The following ATP6V0A2 variants were observed in gnomAD, a reference collection of about 807,000 sequenced individuals.
ATP6V0A2 encodes V-type proton ATPase 116 kDa subunit a 2.
In ATP6V0A2, 58 loss-of-function variants were observed where a neutral mutation model predicts 104.4. The observed-to-expected ratio is 0.56, with a 90% CI of 0.45 to 0.69. The LOEUF is 0.69. Among genes scored for constraint, ATP6V0A2 ranks in the 30% least tolerant of loss-of-function variants. ATP6V0A2 has a pLI of 0.00. For synonymous variants in ATP6V0A2, 376 were observed against 397.9 expected, an observed-to-expected ratio of 0.95 and a Z score of 0.65; for missense variants, 938 against 1,062.9, an observed-to-expected ratio of 0.88 and a Z score of 1.63.
chr12:123,721,078 A>G (rs1217218738), intron 2 of ATP6V0A2, among the ~76,000 whole-genome samples: 1 of 152,204 alleles, frequency 6.6e-6, no homozygotes, highest in African/African-American at 2.4e-5. Context: ...GATAATGACT[A>G]ACAGATATTG....
rs1281428212 is a variant in ATP6V0A2 at position 123,712,710 on chromosome 12, G to T, written c.117+28G>T. 5.7e-6 allele frequency: 9 copies of T among 1,571,460 alleles called. No homozygotes were observed. In the African/African-American group the frequency reaches 9.5e-5, roughly 17 times the overall value. ...GAGTGTCGCCCGGGAGACGCGGGCCGCACCTGCTCTCCTGGCGCCCCCAAT... is the reference window on the plus strand; with the variant it reads ...GAGTGTCGCCCGGGAGACGCGGGCCTCACCTGCTCTCCTGGCGCCCCCAAT... On this transcript the variant is annotated intron_variant, in intron 1 of 19. Transcript: ENST00000330342.
At chr12:123,745,106 C>A in intron 13 of ATP6V0A2, 134 bp downstream of exon 13, 1 of 909,826 alleles carries the variant, frequency 1.1e-6, no homozygotes, top group Non-Finnish European at 1.8e-6. Flanking sequence ...AGCCCCTGTG[C>A]ATCCCAGTCC....
At chr12:123,727,660 C>A in intron 5 of ATP6V0A2, 123 bp from the exon 6 acceptor site, 2 of 1,130,306 alleles carry the variant, frequency 1.8e-6, no homozygotes, top group Non-Finnish European at 2.7e-6. Flanking sequence ...AGATGTTTTG[C>A]AGTTGGAGGG....
intron 3 of ATP6V0A2, chr12:123,723,771 T>G (rs1956422856): frequency 6.6e-6 from 1 of 152,208 alleles, no homozygotes; most frequent in African/African-American, 2.4e-5. Flanking sequence ...TTGTCATGAA[T>G]TTTTATCCTC....
chr12:123,750,025 T>C (rs1956699833), intron 15 of ATP6V0A2: 2 of 152,250 alleles, frequency 1.3e-5, no homozygotes, highest in African/African-American at 4.8e-5. Flanking sequence ...TTCTCTTGTT[T>C]ATGATTTTTA....
At chr12:123,747,959 A>C (rs1057027005) in intron 14 of ATP6V0A2, among the ~76,000 whole-genome samples, 4 of 152,222 alleles carry the variant, frequency 2.6e-5, no homozygotes, top group African/African-American at 9.7e-5. Context: ...CTAGGAGTTC[A>C]GCAGTGAGGA....
chr12:123,758,214 T>C lies in ATP6V0A2; in HGVS notation c.*182T>C, dbSNP rs1019571586. The C allele has an allele frequency of 6.4e-6, 3 of 470,764 alleles. No individual in the cohort carries two copies. The highest frequency in any genetic ancestry group is 2.0e-5 in the African/African-American group (1 of 49,848). The allele number at this position is 470,764 out of a possible 1,614,324, so 29.2% of individuals were successfully genotyped here. On this transcript the variant is annotated 3_prime_UTR_variant, in exon 20 of 20. Transcript: ENST00000330342. Reference sequence around the variant, plus strand: ...TTAAATATTTTGTAAAGTTTACCAATTTGAGATATAAAAATTTCTTTTGGT... The same window carrying C: ...TTAAATATTTTGTAAAGTTTACCAACTTGAGATATAAAAATTTCTTTTGGT...
At chr12:123,717,332 A>G (rs1026810616) in intron 1 of ATP6V0A2, among the ~76,000 whole-genome samples, 1 of 151,416 alleles carries the variant, frequency 6.6e-6, no homozygotes, top group African/African-American at 2.4e-5. Flanking sequence ...AAAAAAAAAA[A>G]AAAAGAGAAA....
rs1956300669 is a variant in ATP6V0A2 at position 123,712,394 on chromosome 12, C to G, written c.-172C>G. The G allele has an allele frequency of 2.7e-6, 1 of 371,284 alleles. No individual in the cohort carries two copies. The highest frequency in any genetic ancestry group is 4.7e-6 in the Non-Finnish European group (1 of 211,934). 23.0% of individuals were successfully genotyped at this position (371,284 alleles called of 1,614,324 possible). A position where few individuals can be genotyped will look rare whatever the true frequency, so the allele number is the denominator to read the frequency against. On this transcript the variant is annotated 5_prime_UTR_variant, in exon 1 of 20. Coordinates refer to ENST00000330342, the MANE Select transcript of ATP6V0A2 (RefSeq NM_012463.4). The stretch of plus-strand genomic sequence containing the variant: ...CTGTGGCGGCAGCTGGAGCGGCGGC[C>G]GCGGTGGCAGAACCGGGGGCGGCCG...
Position 123,754,516 on chromosome 12 carries a change from G to A in ATP6V0A2, c.2272G>A (p.Ala758Thr). The stretch of plus-strand genomic sequence containing the variant: ...CACCGCCTCCTACCTGAGGCTCTGG[G>A]CGCTTAGCCTGGCTCACGCACGTAA... ...SNTASYLRLW[A>T]LSLAHAQLSD... is the part of the protein sequence containing the mutation. The change falls in exon 18 of 20, where the codon GCG (alanine) becomes ACG (threonine). Residue 758 changes from alanine to threonine, a missense_variant. Transcript: ENST00000330342. 6.2e-7 allele frequency: 1 copy of A among 1,614,046 alleles called. No homozygotes were observed. Among genetic ancestry groups the A allele is most frequent in the South Asian group, 1.1e-5 (1 of 91,080 alleles).
rs1478226626 is a variant in ATP6V0A2, at chr12:123,751,185, T to G, written c.2011T>G (p.Leu671Val). Residue 671 changes from leucine to valine, a missense_variant, in exon 16 of 20, where the codon TTG (leucine) becomes GTG (valine). Transcript: ENST00000330342. ...CCTCTTCTTGGGAAAGCCACTGTTT[T>G]TGTTGTGGCTTCACAATGGGCGTAG... is the stretch of plus-strand genomic sequence containing the variant. ...PVLFLGKPLF[L>V]LWLHNGRSCF... 1.2e-6 allele frequency: 2 copies of G among 1,614,200 alleles called. No individual in the cohort carries two copies. Among genetic ancestry groups the G allele is most frequent in the Non-Finnish European group, 1.7e-6 (2 of 1,180,040 alleles).
At chr12:123,752,426 A>G (rs1956725182) in intron 17 of ATP6V0A2, 24 bp downstream of exon 17, 2 of 1,612,636 alleles carry the variant, frequency 1.2e-6, no homozygotes, top group African/African-American at 1.3e-5. Flanking sequence ...ACTGCTATTG[A>G]TAAACTTAGA....
rs912860788 is a variant in ATP6V0A2, at chr12:123,760,443, A to G, written c.*2411A>G. The G allele has an allele frequency of 1.3e-5, 2 of 152,236 alleles. No homozygotes were observed. The highest frequency in any genetic ancestry group is 4.8e-5 in the African/African-American group (2 of 41,460). The allele number at this position is 152,236 out of a possible 1,614,324, so 9.4% of individuals were successfully genotyped here. A position where few individuals can be genotyped will look rare whatever the true frequency, so the allele number is the denominator to read the frequency against. ...GCTCCAGTGTCATGTTACCAGAGTT[A>G]TCGCTCAGTTTTGTTTGTTAAGGCT... is the stretch of plus-strand genomic sequence containing the variant. On this transcript the variant is annotated 3_prime_UTR_variant, in exon 20 of 20. Transcript: ENST00000330342.
chr12:123,758,075 G>A lies in ATP6V0A2; in HGVS notation c.*43G>A, dbSNP rs1429480092. ...ACAAGCTTTCAGATTTATGGAGAAT[G>A]ACCATGTTATAGACTTTCACTTATG... On this transcript the variant is annotated 3_prime_UTR_variant, in exon 20 of 20. Transcript: ENST00000330342. The A allele has an allele frequency of 2.9e-6, 4 of 1,367,768 alleles. No individual in the cohort carries two copies. The Admixed American group carries it at 6.7e-5, about 23-fold the overall frequency. 84.7% of individuals were successfully genotyped at this position (1,367,768 alleles called of 1,614,324 possible).
At chr12:123,727,430 C>G (rs1038973236) in intron 5 of ATP6V0A2, among the ~76,000 whole-genome samples, 5 of 152,044 alleles carry the variant, frequency 3.3e-5, no homozygotes, top group African/African-American at 1.2e-4. Context: ...GGGTGCCTGC[C>G]ACCACGCCTG....
intron 16 of ATP6V0A2, among the ~76,000 whole-genome samples, chr12:123,751,649 G>T (rs1956715496): frequency 6.6e-6 from 1 of 151,960 alleles, no homozygotes; most frequent in Non-Finnish European, 1.5e-5. Context: ...GCAAGACTCT[G>T]TCTCAAAATA....
At chr12:123,717,064 T>C (rs555999721) in intron 1 of ATP6V0A2, among the ~76,000 whole-genome samples, 4 of 152,060 alleles carry the variant, frequency 2.6e-5, no homozygotes, top group Admixed American at 1.3e-4. Flanking sequence ...CCTGTAATCC[T>C]AGCATTTTGG....
intron 1 of ATP6V0A2, 41 bp downstream of exon 1, chr12:123,712,723 TG>T (rs1956305042): frequency 2.0e-6 from 3 of 1,536,938 alleles, no homozygotes; most frequent in Non-Finnish European, 2.7e-6. Context: ...CCTGCTCTCC[TG>T]GCGCCCCCAA....
intron 13 of ATP6V0A2, among the ~76,000 whole-genome samples, chr12:123,746,375 G>A (rs1480578865): frequency 6.6e-6 from 1 of 151,784 alleles, no homozygotes; most frequent in Non-Finnish European, 1.5e-5. Context: ...AAATATATCA[G>A]CGAAGTTGAC....
Sources: gnomAD v4.1 joint callset for allele counts (sites outside exome capture counted in the v4.1 genomes callset) on GRCh38, gnomAD v4.1.1 for gene constraint, MANE v1.5 for transcripts, NCBI Gene and HGNC (gene_info 2026-07-23, HGNC 2026-07-21) for gene names.